SPATA32: variants seen among roughly 807,000 people sequenced by gnomAD.
SPATA32 encodes the protein spermatogenesis associated 32.
A neutral mutation model predicts 35.4 loss-of-function variants in SPATA32; 28 were observed. The ratio of observed to expected loss-of-function variants is 0.79; its 90% confidence interval spans 0.59 to 1.09. The LOEUF (loss-of-function observed/expected upper bound fraction) is 1.09. Ranked by LOEUF, SPATA32 falls within the 50% of genes least tolerant of loss-of-function variation. The probability of loss-of-function intolerance (pLI) is 0.00; values close to 1 mark genes in which losing one functional copy is unlikely to be tolerated. For synonymous variants in SPATA32, 168 were observed against 196.3 expected (o/e 0.86, Z 1.20); for missense variants, 409 against 475.9 (o/e 0.86, Z 1.31).
intron 1 of SPATA32, among the ~76,000 whole-genome samples, chr17:45,258,311 C>T (rs879320092): frequency 6.6e-6 from 1 of 152,138 alleles, no homozygotes; most frequent in Admixed American, 6.5e-5. Context: ...GACCACTATG[C>T]TTCCCTGGCT....
chr17:45,254,893 C>T, intron 4 of SPATA32: 1 of 598,002 alleles, frequency 1.7e-6, no homozygotes, highest in Non-Finnish European at 2.9e-6. Flanking sequence ...CTCCTTGGTC[C>T]CCAGGCCTCC....
chr17:45,255,997 G>A lies in SPATA32; in HGVS notation c.185C>T (p.Pro62Leu), dbSNP rs374698536. 6 of 1,613,532 alleles carry A rather than the reference G, an allele frequency of 3.7e-6. No individual in the cohort carries two copies. The change falls in exon 4 of 5, where the codon CCA becomes CTA. Residue 62 changes from proline (P) to leucine (L), a missense_variant. Coordinates refer to ENST00000331780, the MANE Select transcript of SPATA32 (RefSeq NM_152343.3). This position sits in a 1 kb window ranked among gnomAD's most constrained non-coding sequence, Gnocchi z 5.4. ...CGGCACCTGTCCGATCTCCAGTTCT[G>A]GGTCTGGGTCTGGGTCTGGGTCCAG... is the stretch of plus-strand genomic sequence containing the variant. ...LDLDPDPDPDPELEIGQVPAL... is the reference protein window; with the variant it reads ...LDLDPDPDPDLELEIGQVPAL...
At position 45,254,483 on chromosome 17, in the gene SPATA32, ATTCTCT is replaced by A. The variant is rs765441018; in HGVS notation, c.1092_1097del (p.Lys364_Glu365del). The A allele has an allele frequency of 6.7e-5, 108 of 1,613,976 alleles. No homozygotes were observed. The highest frequency in any genetic ancestry group is 8.5e-5 in the Non-Finnish European group (100 of 1,180,004). ...TAAAATGGATTTTCACCAATAATGG[ATTCTCT>A]TTCTCTTTTCCTGGCGGCACTGAGC... On this transcript the variant is annotated inframe_deletion, in exon 5 of 5. Transcript: ENST00000331780.
intron 1 of SPATA32, among the ~76,000 whole-genome samples, chr17:45,261,611 G>A (rs1246946299): frequency 2.0e-5 from 3 of 152,248 alleles, no homozygotes; most frequent in African/African-American, 7.2e-5. Context: ...AAAGCCTCAA[G>A]CATCAAGGAG....
chr17:45,254,985 G>T, intron 4 of SPATA32, 130 bp downstream of exon 4: 1 of 887,734 alleles, frequency 1.1e-6, no homozygotes, highest in Non-Finnish European at 1.7e-6. Flanking sequence ...AGGTGGAGGC[G>T]TCACAGCCCA....
intron 1 of SPATA32, among the ~76,000 whole-genome samples, chr17:45,259,522 A>C (rs2043986090): frequency 6.6e-6 from 1 of 152,052 alleles, no homozygotes; most frequent in Non-Finnish European, 1.5e-5. Context: ...TATTCTGTTT[A>C]TGGTAAAATA....
intron 1 of SPATA32, chr17:45,260,102 CAA>C (rs35822223): frequency 2.0e-4 from 23 of 112,492 alleles, no homozygotes; most frequent in Admixed American, 3.5e-4. Context: ...GACTCTGTCT[CAA>C]AAAAAAAAAA....
In SPATA32 at chr17:45,256,677, T is replaced by C. The variant is rs765504470; in HGVS notation, c.69-262A>G. The stretch of plus-strand genomic sequence containing the variant: ...GCCCCACCCCCAAAGAGGAATCCAG[T>C]TGGTTGGAGGTAAGGCCCAGGAATC... On this transcript the variant is annotated intron_variant, in intron 2 of 4. Transcript: ENST00000331780. This position sits in a 1 kb window ranked among gnomAD's most constrained non-coding sequence, Gnocchi z 4.7. Among the ~76,000 whole-genome samples, 3 of 152,062 alleles carry C rather than the reference T, an allele frequency of 2.0e-5. No homozygotes were observed. The highest frequency in any genetic ancestry group is 4.4e-5 in the Non-Finnish European group (3 of 68,002).
intron 1 of SPATA32, chr17:45,261,704 T>A: frequency 2.6e-6 from 1 of 380,270 alleles, no homozygotes; most frequent in Non-Finnish European, 4.7e-6. Flanking sequence ...TTGCTCCTTC[T>A]GTGGTCTCAG....
intron 1 of SPATA32, among the ~76,000 whole-genome samples, chr17:45,260,319 C>T (rs930769797): frequency 6.6e-6 from 1 of 152,076 alleles, no homozygotes; most frequent in Non-Finnish European, 1.5e-5. Context: ...ACCCCTGTCT[C>T]CCTTTCTAGT....
chr17:45,257,140 G>A lies in SPATA32; in HGVS notation c.68+13C>T. On this transcript the variant is annotated intron_variant, in intron 2 of 4. Coordinates refer to ENST00000331780, the MANE Select transcript of SPATA32 (RefSeq NM_152343.3). ...TCGGGGGAGGCCCTACGTTGATTGA[G>A]GATGGTTCTCACCGCATCTCTGCAA... is the stretch of plus-strand genomic sequence containing the variant. 2.5e-6 allele frequency: 4 copies of A among 1,611,882 alleles called. No individual in the cohort carries two copies. The highest frequency in any genetic ancestry group is 2.5e-6 in the Non-Finnish European group (3 of 1,179,620).
chr17:45,254,816 C>T (rs2043940286), intron 4 of SPATA32, among the ~76,000 whole-genome samples: 1 of 152,230 alleles, frequency 6.6e-6, no homozygotes, highest in African/African-American at 2.4e-5. Flanking sequence ...GCCCGACCCC[C>T]AGGGTGGAAA....
chr17:45,261,548 G>A (rs2044008618), intron 1 of SPATA32, among the ~76,000 whole-genome samples: 1 of 152,180 alleles, frequency 6.6e-6, no homozygotes, highest in South Asian at 2.1e-4. Flanking sequence ...AGAGTACAAG[G>A]CATCAACGAA....
Position 45,256,109 on chromosome 17 carries a change from G to GCTCC in SPATA32, c.109-37_109-36insGGAG. 2 of 1,562,180 alleles carry GCTCC rather than the reference G, an allele frequency of 1.3e-6. No individual in the cohort carries two copies. The highest frequency in any genetic ancestry group is 1.1e-5 in the South Asian group (1 of 87,510). On this transcript the variant is annotated intron_variant, in intron 3 of 4. Coordinates refer to ENST00000331780, the MANE Select transcript of SPATA32 (RefSeq NM_152343.3). The surrounding 1 kb of genome is among the most constrained non-coding windows in gnomAD (Gnocchi z 4.7). The stretch of plus-strand genomic sequence containing the variant: ...TCAACTCAAAGCTGAGGAGGCAGGA[G>GCTCC]CGGGAGGTCCTGCCCCTGAGGCCCT...
At chr17:45,257,898 A>G (rs540001084) in intron 1 of SPATA32, among the ~76,000 whole-genome samples, 1 of 152,290 alleles carries the variant, frequency 6.6e-6, no homozygotes, top group East Asian at 1.9e-4. Flanking sequence ...CCGCAACCCC[A>G]AACCCCTCCC....
Position 45,256,494 on chromosome 17 carries a change from C to T in SPATA32, c.69-79G>A. ...AAGGGGGTTTCTGGGGCCCTCAAAGCCCTCTGCCTTGTAACAGAAGCTGGC... is the reference window on the plus strand; with the variant it reads ...AAGGGGGTTTCTGGGGCCCTCAAAGTCCTCTGCCTTGTAACAGAAGCTGGC... On this transcript the variant is annotated intron_variant, in intron 2 of 4. Transcript: ENST00000331780. This position sits in a 1 kb window ranked among gnomAD's most constrained non-coding sequence, Gnocchi z 4.7. 2.3e-6 allele frequency: 3 copies of T among 1,300,106 alleles called. No homozygotes were observed. The highest frequency in any genetic ancestry group is 3.4e-5 in the Admixed American group (2 of 59,392). 80.5% of individuals were successfully genotyped at this position (1,300,106 alleles called of 1,614,324 possible).
intron 1 of SPATA32, among the ~76,000 whole-genome samples, chr17:45,259,121 C>G (rs1247502442): frequency 1.3e-5 from 2 of 151,968 alleles, no homozygotes; most frequent in Non-Finnish European, 2.9e-5. Context: ...CCCTCCCAAT[C>G]TGGTTCCTCT....
chr17:45,259,001 G>A (rs2043981189), intron 1 of SPATA32, among the ~76,000 whole-genome samples: 1 of 151,732 alleles, frequency 6.6e-6, no homozygotes, highest in Non-Finnish European at 1.5e-5. Flanking sequence ...TTTGTATCCT[G>A]CAACTATACT....
chr17:45,256,861 T>C lies in SPATA32; in HGVS notation c.68+292A>G, dbSNP rs72832885. ...TGCCCACCCCCGCCTTGAGCAGCTCTGTCCTCAGCAAGCCAGGCAGCTCTG... is the reference window on the plus strand; with the variant it reads ...TGCCCACCCCCGCCTTGAGCAGCTCCGTCCTCAGCAAGCCAGGCAGCTCTG... On this transcript the variant is annotated intron_variant, in intron 2 of 4. Coordinates refer to ENST00000331780, the MANE Select transcript of SPATA32 (RefSeq NM_152343.3). This position sits in a 1 kb window ranked among gnomAD's most constrained non-coding sequence, Gnocchi z 4.7. Among the ~76,000 whole-genome samples, 3,139 of 152,290 alleles carry C rather than the reference T, an allele frequency of 0.021. 133 individuals are homozygous for C. Among genetic ancestry groups the C allele is most frequent in the South Asian group, 0.19 (892 of 4,812 alleles).
Sources: gnomAD v4.1 joint callset for allele counts (sites outside exome capture counted in the v4.1 genomes callset) on GRCh38, gnomAD v4.1.1 for gene constraint, Gnocchi (gnomAD v3.1) non-coding constraint, MANE v1.5 for transcripts, NCBI Gene and HGNC (gene_info 2026-07-23, HGNC 2026-07-21) for gene names.